COL11A1: variants seen among roughly 807,000 people sequenced by gnomAD.
COL11A1 encodes the protein collagen alpha-1(XI) chain.
A neutral mutation model predicts 265.2 loss-of-function variants in COL11A1; 74 were observed. The observed-to-expected ratio is 0.28, with a 90% CI of 0.23 to 0.34. The LOEUF (loss-of-function observed/expected upper bound fraction) is 0.34. Ranked by LOEUF, COL11A1 falls within the 10% of genes least tolerant of loss-of-function variation. COL11A1 has a pLI of 1.00. For missense variants in COL11A1, 2,165 were observed against 2,263.6 expected, an observed-to-expected ratio of 0.96 and a Z score of 0.88; for synonymous variants, 816 against 727.6, an observed-to-expected ratio of 1.12 and a Z score of -1.96.
At chr1:102,944,097 G>T (rs931612132) in intron 42 of COL11A1, among the ~76,000 whole-genome samples, 7 of 152,046 alleles carry the variant, frequency 4.6e-5, no homozygotes, top group Non-Finnish European at 1.0e-4. Context: ...TGGGTAGGTA[G>T]ACCAAGGGCT....
intron 42 of COL11A1, among the ~76,000 whole-genome samples, chr1:102,944,345 T>C (rs1315017995): frequency 2.0e-5 from 3 of 152,150 alleles, no homozygotes; most frequent in Non-Finnish European, 4.4e-5. Flanking sequence ...TTACCCACTT[T>C]ATGTTACTGT....
chr1:103,006,055 G>A lies in COL11A1; in HGVS notation c.1791+13C>T, dbSNP rs572224049. On this transcript the variant is annotated intron_variant, in intron 17 of 66. Transcript: ENST00000370096. ...ACACAGGATGTGAATATAAAAATAT[G>A]TGAGCTCCTGACCTTTGCCCCAGGT... The A allele has an allele frequency of 4.3e-5, 70 of 1,613,822 alleles. No homozygotes were observed. The highest frequency in any genetic ancestry group is 1.4e-4 in the South Asian group (13 of 91,072).
chr1:102,891,710 A>C (rs1172072845), intron 57 of COL11A1, among the ~76,000 whole-genome samples: 1 of 142,788 alleles, frequency 7.0e-6, no homozygotes, highest in Non-Finnish European at 1.5e-5. Context: ...CATTTTGTCT[A>C]CAAAAAAAAA....
At chr1:103,007,900 T>C (rs1376431961) in intron 15 of COL11A1, among the ~76,000 whole-genome samples, 9 of 148,810 alleles carry the variant, frequency 6.0e-5, no homozygotes, top group Non-Finnish European at 1.3e-4. Flanking sequence ...TGTCTACAGG[T>C]TAAAGAGTAT....
At chr1:102,895,563 T>C (rs1652318413) in intron 57 of COL11A1, among the ~76,000 whole-genome samples, 1 of 151,070 alleles carries the variant, frequency 6.6e-6, no homozygotes, top group Non-Finnish European at 1.5e-5. Flanking sequence ...ATATATGTTA[T>C]AATGAGGAAA....
chr1:103,021,158 T>C (rs1229170802), intron 9 of COL11A1, among the ~76,000 whole-genome samples: 11 of 151,026 alleles, frequency 7.3e-5, no homozygotes, highest in Non-Finnish European at 1.6e-4. Context: ...AAGAATCTGT[T>C]TCTTAGCAAT....
At chr1:103,034,927 G>C (rs1001054228) in intron 4 of COL11A1, among the ~76,000 whole-genome samples, 3 of 152,076 alleles carry the variant, frequency 2.0e-5, no homozygotes, top group African/African-American at 7.2e-5. Flanking sequence ...AATTCTCTAA[G>C]TAAGTAGTCT....
chr1:102,887,466 T>G (rs1390617452), intron 62 of COL11A1, among the ~76,000 whole-genome samples: 1 of 152,186 alleles, frequency 6.6e-6, no homozygotes, highest in Non-Finnish European at 1.5e-5. Context: ...TGTATTATAT[T>G]TGATGATAAT....
At chr1:103,023,811 A>G (rs1304459740) in intron 7 of COL11A1, among the ~76,000 whole-genome samples, 2 of 152,222 alleles carry the variant, frequency 1.3e-5, no homozygotes, top group Admixed American at 1.3e-4. Context: ...GATTATGTAG[A>G]GTATCTCATA....
At chr1:102,967,101 A>ATCCTG (rs1661470825) in intron 37 of COL11A1, among the ~76,000 whole-genome samples, 1 of 151,822 alleles carries the variant, frequency 6.6e-6, no homozygotes, top group East Asian at 1.9e-4. Context: ...CTCTTATCCT[A>ATCCTG]GTAGACCTGT....
chr1:103,051,440 A>G (rs1669818790), intron 4 of COL11A1, among the ~76,000 whole-genome samples: 1 of 152,156 alleles, frequency 6.6e-6, no homozygotes. Flanking sequence ...GCCATTTTTT[A>G]AGCCCATTGG....
At position 102,962,201 on chromosome 1, in the gene COL11A1, C is replaced by G. The variant is rs754273408; in HGVS notation, c.3089G>C (p.Gly1030Ala). 1 of 1,613,612 alleles carries G rather than the reference C, an allele frequency of 6.2e-7. No homozygotes were observed. The highest frequency in any genetic ancestry group is 8.5e-7 in the Non-Finnish European group (1 of 1,179,670). The change falls in exon 40 of 67, where the codon GGG (glycine) becomes GCG (alanine). Residue 1030 changes from glycine to alanine, a missense_variant. By Grantham distance (60) the Gly-to-Ala change is moderately conservative. Transcript: ENST00000370096. ...CTGAGCTCCAGGAAGACCTCTTTCC[C>G]CTGGGAAACCACGTAATCCTGCTGG... ...DGPAGLRGFPGERGLPGAQGA... is the reference protein window; with the variant it reads ...DGPAGLRGFPAERGLPGAQGA...
intron 15 of COL11A1, among the ~76,000 whole-genome samples, chr1:103,006,813 C>T (rs917400058): frequency 2.0e-5 from 3 of 152,094 alleles, no homozygotes; most frequent in African/African-American, 7.2e-5. Flanking sequence ...CAGGCGTGAG[C>T]CACCGCGCCC....
At chr1:102,911,610 T>A (rs1039347668) in intron 54 of COL11A1, among the ~76,000 whole-genome samples, 1 of 152,128 alleles carries the variant, frequency 6.6e-6, no homozygotes, top group Non-Finnish European at 1.5e-5. Flanking sequence ...GGAAAGTAAA[T>A]CTCCTAGGGT....
chr1:103,047,850 A>G (rs1481625095), intron 4 of COL11A1, among the ~76,000 whole-genome samples: 3 of 152,180 alleles, frequency 2.0e-5, no homozygotes, highest in Admixed American at 6.5e-5. Flanking sequence ...TTCAGCATCT[A>G]TTGAGATAAT....
Position 102,987,641 on chromosome 1 carries a change from C to T in COL11A1, c.2494G>A (p.Gly832Arg), listed in dbSNP as rs12735019. 2 of 1,612,972 alleles carry T rather than the reference C, an allele frequency of 1.2e-6. No homozygotes were observed. Among genetic ancestry groups the T allele is most frequent in the African/African-American group, 2.7e-5 (2 of 74,860 alleles). ...TGDPGPSGQA[G>R]EKGKLGVPGL... is the part of the protein sequence containing the mutation. ...TAAAGTCATTTACCAACCTTTTCTC[C>T]TGCTTGACCTGAAGGACCTGGGTCT... is the stretch of plus-strand genomic sequence containing the variant. The change falls in exon 30 of 67, where the codon GGA (glycine) becomes AGA (arginine). Residue 832 changes from glycine to arginine, a missense_variant. Coordinates refer to ENST00000370096, the MANE Select transcript of COL11A1 (RefSeq NM_001854.4).
intron 46 of COL11A1, among the ~76,000 whole-genome samples, chr1:102,932,186 C>T (rs1199935180): frequency 1.3e-5 from 2 of 152,030 alleles, no homozygotes; most frequent in Non-Finnish European, 2.9e-5. Flanking sequence ...TCTTCCTAGT[C>T]TCGATGGTCT....
rs568503933 is a variant in COL11A1 at position 103,045,681 on chromosome 1, G to A, written c.652-14437C>T. On this transcript the variant is annotated intron_variant, in intron 4 of 66. Transcript: ENST00000370096. ...TGTGCACAACGTGCAGGTTTGTTAC[G>A]TATGTAGACGTGTGCCATATTGGTG... is the stretch of plus-strand genomic sequence containing the variant. 1.2e-4 allele frequency among the ~76,000 whole-genome samples: 18 copies of A among 151,630 alleles called. 1 individual carries two copies. The highest frequency in any genetic ancestry group is 3.4e-4 in the African/African-American group (14 of 41,330).
intron 57 of COL11A1, among the ~76,000 whole-genome samples, chr1:102,892,281 C>T (rs1437140162): frequency 6.6e-6 from 1 of 152,156 alleles, no homozygotes; most frequent in Non-Finnish European, 1.5e-5. Flanking sequence ...CAAAGTACAT[C>T]ATGAGTCACC....
Sources: allele counts gnomAD v4.1 joint callset (sites outside exome capture counted in the v4.1 genomes callset), GRCh38; gene constraint gnomAD v4.1.1; transcripts MANE v1.5; gene names NCBI Gene and HGNC (gene_info 2026-07-23, HGNC 2026-07-21).